Variants in CIPC observed in about 807,000 individuals in gnomAD.
CIPC encodes the protein CLOCK-interacting pacemaker.
A neutral mutation model predicts 26.7 loss-of-function variants in CIPC; 12 were observed. That is an observed-to-expected ratio of 0.45 (90% CI 0.29 to 0.73). CIPC has a LOEUF of 0.73. Ranked by LOEUF, CIPC falls within the 30% of genes least tolerant of loss-of-function variation. The pLI is 0.12. For missense variants in CIPC, 417 were observed against 486.5 expected (o/e 0.86, Z 1.34); for synonymous variants, 170 against 189.8 (o/e 0.90, Z 0.86).
intron 1 of CIPC, among the ~76,000 whole-genome samples, chr14:77,100,693 C>G (rs1886464342): frequency 6.6e-6 from 1 of 151,578 alleles, no homozygotes; most frequent in African/African-American, 2.4e-5. Flanking sequence ...CTCACCCTCC[C>G]AAGTAGCTAG....
At chr14:77,111,388 C>G (rs1886697819) in intron 3 of CIPC, among the ~76,000 whole-genome samples, 1 of 152,178 alleles carries the variant, frequency 6.6e-6, no homozygotes, top group Non-Finnish European at 1.5e-5. Flanking sequence ...AGGGAGTAGT[C>G]TAGGAGTTTT....
Position 77,113,853 on chromosome 14 carries a change from G to A in CIPC, c.735G>A (p.Pro245=), listed in dbSNP as rs371378311. 36 of 1,613,986 alleles carry A rather than the reference G, an allele frequency of 2.2e-5. No homozygotes were observed. The highest frequency in any genetic ancestry group is 3.3e-4 in the Middle Eastern group (2 of 6,084). ...GTGGAAGTCCACAGACTCTTCAGCC[G>A]GTATCCAGCAGTCACGTGGCTAAAG... is the stretch of plus-strand genomic sequence containing the variant. ...VAGGSPQTLQ[P]VSSSHVAKAP... Residue 245 remains proline (P), a synonymous_variant, in exon 4 of 4, where the codon CCG becomes CCA. Coordinates refer to ENST00000361786, the MANE Select transcript of CIPC (RefSeq NM_033426.3).
chr14:77,099,785 ATTGT>A (rs1158495061), intron 1 of CIPC: 3 of 152,158 alleles, frequency 2.0e-5, no homozygotes, highest in Non-Finnish European at 4.4e-5. Flanking sequence ...CTTCACAAAG[ATTGT>A]TTGTGGATTA....
intron 1 of CIPC, among the ~76,000 whole-genome samples, chr14:77,102,786 G>T (rs975885944): frequency 1.3e-5 from 2 of 152,186 alleles, no homozygotes; most frequent in African/African-American, 2.4e-5. Context: ...GAATTAGTTT[G>T]AATGCCCATC....
intron 3 of CIPC, among the ~76,000 whole-genome samples, chr14:77,110,320 C>T (rs1886670688): frequency 6.6e-6 from 1 of 152,004 alleles, no homozygotes; most frequent in Non-Finnish European, 1.5e-5. Context: ...TAACATATGG[C>T]AGAGTTTAGG....
At chr14:77,113,059 C>T (rs1886735568) in intron 3 of CIPC, among the ~76,000 whole-genome samples, 1 of 152,116 alleles carries the variant, frequency 6.6e-6, no homozygotes, top group Non-Finnish European at 1.5e-5. Flanking sequence ...AAAAGAGGTT[C>T]CAGGTGTGAC....
At chr14:77,100,615 G>A (rs1314989993) in intron 1 of CIPC, among the ~76,000 whole-genome samples, 2 of 151,048 alleles carry the variant, frequency 1.3e-5, no homozygotes, top group Non-Finnish European at 2.9e-5. Context: ...CTTCACCCAG[G>A]CTGGAGGGCA....
At chr14:77,108,604 C>G (rs192849813) in intron 2 of CIPC, among the ~76,000 whole-genome samples, 2 of 152,066 alleles carry the variant, frequency 1.3e-5, no homozygotes, top group East Asian at 3.9e-4. Context: ...GGCAGGAGAA[C>G]CGCTTGAACC....
In CIPC at chr14:77,113,631, C is replaced by T; in HGVS notation, c.513C>T (p.Gly171=). 1.2e-6 allele frequency: 2 copies of T among 1,614,208 alleles called. No homozygotes were observed. Among genetic ancestry groups the T allele is most frequent in the South Asian group, 1.1e-5 (1 of 91,084 alleles). The part of the protein sequence containing the change: ...TKIAPHPGKR[G]LSLGPEEKGT... ...TAGCCCCACATCCAGGCAAAAGGGG[C>T]CTTTCCCTTGGCCCAGAAGAAAAAG... Residue 171 remains glycine (G), a synonymous_variant, in exon 4 of 4, where the codon GGC becomes GGT. Transcript: ENST00000361786.
In CIPC at chr14:77,113,464, C is replaced by T; in HGVS notation, c.346C>T (p.Pro116Ser). 3 of 1,614,168 alleles carry T rather than the reference C, an allele frequency of 1.9e-6. No individual in the cohort carries two copies. The highest frequency in any genetic ancestry group is 2.5e-6 in the Non-Finnish European group (3 of 1,180,036). The change falls in exon 4 of 4, where the codon CCC becomes TCC. Residue 116 changes from proline (P) to serine (S), a missense_variant. By Grantham distance (74) the Pro-to-Ser change is moderately conservative. Coordinates refer to ENST00000361786, the MANE Select transcript of CIPC (RefSeq NM_033426.3). ...SSQLQSWTVQ[P>S]SFEVISAQPQ... ...CCAGCTCCAGTCGTGGACTGTCCAG[C>T]CCTCCTTTGAAGTGATCTCAGCACA... is the stretch of plus-strand genomic sequence containing the variant.
chr14:77,111,790 T>C (rs1217931239), intron 3 of CIPC, among the ~76,000 whole-genome samples: 1 of 152,192 alleles, frequency 6.6e-6, no homozygotes, highest in Non-Finnish European at 1.5e-5. Flanking sequence ...TACAGTCCAG[T>C]AAAATCATGG....
At chr14:77,109,696 C>T (rs1392468354) in intron 2 of CIPC, 116 bp from the exon 3 acceptor site, 1 of 922,768 alleles carries the variant, frequency 1.1e-6, no homozygotes, top group Non-Finnish European at 1.6e-6. Context: ...ATAAAATTCA[C>T]AAAAACACAT....
chr14:77,117,164 G>A lies in CIPC; in HGVS notation c.*2846G>A, dbSNP rs972346058. On this transcript the variant is annotated 3_prime_UTR_variant, in exon 4 of 4. Coordinates refer to ENST00000361786, the MANE Select transcript of CIPC (RefSeq NM_033426.3). Reference sequence around the variant, plus strand: ...GTGCATATATTGAAGTGGTTTTTCAGCTATGAATTCTTTAGGGTAGAAATT... The same window carrying A: ...GTGCATATATTGAAGTGGTTTTTCAACTATGAATTCTTTAGGGTAGAAATT... 6.6e-6 allele frequency: 1 copy of A among 152,512 alleles called. No homozygotes were observed. Among genetic ancestry groups the A allele is most frequent in the African/African-American group, 2.4e-5 (1 of 41,346 alleles). The allele number at this position is 152,512 out of a possible 1,614,324, so 9.4% of individuals were successfully genotyped here. A position where few individuals can be genotyped will look rare whatever the true frequency, so the allele number is the denominator to read the frequency against.
At position 77,114,614 on chromosome 14, in the gene CIPC, G is replaced by A. The variant is rs985389339; in HGVS notation, c.*296G>A. ...GGGCAAAGCAGGAGATGATTGTGTGGGGCTCTTCCTGCTGTCACCTCCCAT... is the reference window on the plus strand; with the variant it reads ...GGGCAAAGCAGGAGATGATTGTGTGAGGCTCTTCCTGCTGTCACCTCCCAT... On this transcript the variant is annotated 3_prime_UTR_variant, in exon 4 of 4. Transcript: ENST00000361786. 5.7e-4 allele frequency: 181 copies of A among 317,268 alleles called. No homozygotes were observed. Among genetic ancestry groups the A allele is most frequent in the South Asian group, 2.2e-3 (41 of 18,674 alleles). 19.7% of individuals were successfully genotyped at this position (317,268 alleles called of 1,614,324 possible).
In CIPC at chr14:77,116,481, T is replaced by G. The variant is rs1886815811; in HGVS notation, c.*2163T>G. 4 of 152,200 alleles carry G rather than the reference T, an allele frequency of 2.6e-5. No homozygotes were observed. The highest frequency in any genetic ancestry group is 2.6e-4 in the Admixed American group (4 of 15,284). The allele number at this position is 152,200 out of a possible 1,614,324, so 9.4% of individuals were successfully genotyped here. Reference sequence around the variant, plus strand: ...TGAAAACACTTGCTGAGAACCAAATTTATTCCATTGGAAAAACCCTCTGTG... The same window carrying G: ...TGAAAACACTTGCTGAGAACCAAATGTATTCCATTGGAAAAACCCTCTGTG... On this transcript the variant is annotated 3_prime_UTR_variant, in exon 4 of 4. Coordinates refer to ENST00000361786, the MANE Select transcript of CIPC (RefSeq NM_033426.3).
intron 1 of CIPC, among the ~76,000 whole-genome samples, chr14:77,103,121 C>T (rs1204530776): frequency 6.6e-6 from 1 of 152,170 alleles, no homozygotes; most frequent in African/African-American, 2.4e-5. Flanking sequence ...GGAAGCCAGT[C>T]CCCTTAAATG....
chr14:77,100,091 C>T (rs1886448513), intron 1 of CIPC: 1 of 152,178 alleles, frequency 6.6e-6, no homozygotes. Context: ...ATGAAAAAAA[C>T]AACTCGAGGT....
At chr14:77,100,947 C>A (rs1248272451) in intron 1 of CIPC, among the ~76,000 whole-genome samples, 2 of 152,182 alleles carry the variant, frequency 1.3e-5, no homozygotes, top group East Asian at 3.8e-4. Flanking sequence ...CATATACATG[C>A]ATAAGAGGCC....
At position 77,113,368 on chromosome 14, in the gene CIPC, C is replaced by T. The variant is rs780657847; in HGVS notation, c.307-57C>T. ...ACTTGCCCCTTTGACAGAAGCTTCA[C>T]TCCTCTATCCTTTCAGCAGTAATGA... is the stretch of plus-strand genomic sequence containing the variant. On this transcript the variant is annotated intron_variant, in intron 3 of 3. Transcript: ENST00000361786. 14 of 1,595,588 alleles carry T rather than the reference C, an allele frequency of 8.8e-6. No homozygotes were observed. In the South Asian group the frequency reaches 1.2e-4, roughly 14 times the overall value.
Sources: allele counts gnomAD v4.1 joint callset (sites outside exome capture counted in the v4.1 genomes callset), GRCh38; gene constraint gnomAD v4.1.1; transcripts MANE v1.5; gene names NCBI Gene and HGNC (gene_info 2026-07-23, HGNC 2026-07-21).